The following ADAMTS16 variants were observed in gnomAD, a reference collection of about 807,000 sequenced individuals.
ADAMTS16 encodes ADAM metallopeptidase with thrombospondin type 1 motif 16.
In ADAMTS16, 94 loss-of-function variants were observed where a neutral mutation model predicts 145.8. The ratio of observed to expected loss-of-function variants is 0.64; its 90% confidence interval spans 0.55 to 0.77. The LOEUF (loss-of-function observed/expected upper bound fraction) is 0.77. Ranked by LOEUF, ADAMTS16 falls within the 30% of genes least tolerant of loss-of-function variation. The pLI, the probability that ADAMTS16 is intolerant of heterozygous loss-of-function variation, is 0.00. For missense variants in ADAMTS16, 1,585 were observed against 1,591.5 expected (o/e 1.00, Z 0.07); for synonymous variants, 659 against 604.3 (o/e 1.09, Z -1.33).
rs772050211 is a variant in ADAMTS16 at position 5,140,775 on chromosome 5, G to A, written c.175+9G>A. On this transcript the variant is annotated intron_variant, in intron 2 of 22. Transcript: ENST00000274181. ...CTGGATGGAAAAGGGCGGTAAGTCC[G>A]TGAGGTGGGGGCTTCTAATCCTTGC... is the stretch of plus-strand genomic sequence containing the variant. The A allele has an allele frequency of 9.0e-6, 14 of 1,550,300 alleles. No homozygotes were observed. The African/African-American group carries it at 1.9e-4, about 21-fold the overall frequency.
rs150708974 is a variant in ADAMTS16, at chr5:5,140,802, A to G, written c.175+36A>G. 2.5e-4 allele frequency: 379 copies of G among 1,507,466 alleles called. 3 individuals carry two copies. The African/African-American group carries it at 4.8e-3, about 19-fold the overall frequency. The allele number at this position is 1,507,466 out of a possible 1,614,324, so 93.4% of individuals were successfully genotyped here. A position where few individuals can be genotyped will look rare whatever the true frequency, so the allele number is the denominator to read the frequency against. The stretch of plus-strand genomic sequence containing the variant: ...GAGGTGGGGGCTTCTAATCCTTGCC[A>G]TTTAGCAGCTCGTAATCTCCGTGCC... On this transcript the variant is annotated intron_variant, in intron 2 of 22. Transcript: ENST00000274181.
chr5:5,140,723 T>C lies in ADAMTS16; in HGVS notation c.132T>C (p.Arg44=), dbSNP rs760357771. 6.4e-7 allele frequency: 1 copy of C among 1,571,110 alleles called. No homozygotes were observed. Among genetic ancestry groups the C allele is most frequent in the South Asian group, 1.2e-5 (1 of 85,800 alleles). ...AAAPGSPSVP[R]PPPPAERPGW... ...CGCCTGGGAGCCCGAGCGTCCCGCG[T>C]CCTCCTCCACCCGCGGAGCGGCCGG... Residue 44 remains arginine (R), a synonymous_variant, in exon 2 of 23, where the codon CGT becomes CGC. Coordinates refer to ENST00000274181, the MANE Select transcript of ADAMTS16 (RefSeq NM_139056.4).
chr5:5,258,308 A>T (rs746373511), intron 17 of ADAMTS16, among the ~76,000 whole-genome samples: 3 of 152,168 alleles, frequency 2.0e-5, no homozygotes, highest in Non-Finnish European at 2.9e-5. Flanking sequence ...CACCTGGGTA[A>T]ACTCAAATAG....
intron 18 of ADAMTS16, among the ~76,000 whole-genome samples, chr5:5,285,967 G>A (rs536158178): frequency 2.0e-5 from 3 of 152,178 alleles, no homozygotes; most frequent in South Asian, 2.1e-4. Context: ...TCTCTGTTGC[G>A]ACTTGTGCGT....
At chr5:5,302,981 G>A (rs1027971760) in intron 18 of ADAMTS16, among the ~76,000 whole-genome samples, 3 of 152,008 alleles carry the variant, frequency 2.0e-5, no homozygotes, top group Admixed American at 1.3e-4. Context: ...AAAAAGAAGA[G>A]AACAGACACA....
At chr5:5,251,943 C>T (rs1002166387) in intron 17 of ADAMTS16, among the ~76,000 whole-genome samples, 5 of 152,222 alleles carry the variant, frequency 3.3e-5, no homozygotes, top group Admixed American at 1.3e-4. Flanking sequence ...TGCAACCTCC[C>T]GGGTTCCCGC....
chr5:5,290,877 A>T (rs544393555), intron 18 of ADAMTS16, among the ~76,000 whole-genome samples: 1 of 152,024 alleles, frequency 6.6e-6, no homozygotes. Context: ...ATTTGCTTTC[A>T]TTCTCTCCCC....
chr5:5,319,431 C>T lies in ADAMTS16; in HGVS notation c.*293C>T, dbSNP rs1734194389. 4 of 432,418 alleles carry T rather than the reference C, an allele frequency of 9.3e-6. No homozygotes were observed. The highest frequency in any genetic ancestry group is 1.7e-5 in the Non-Finnish European group (4 of 236,682). 26.8% of individuals were successfully genotyped at this position (432,418 alleles called of 1,614,324 possible). On this transcript the variant is annotated 3_prime_UTR_variant, in exon 23 of 23. Transcript: ENST00000274181. Reference sequence around the variant, plus strand: ...GCACCACAACGGGAGAGGCAGCACTCACCCCTGCCTGTTGCAGCTAAATCA... The same window carrying T: ...GCACCACAACGGGAGAGGCAGCACTTACCCCTGCCTGTTGCAGCTAAATCA...
chr5:5,179,421 C>G (rs1046948336), intron 3 of ADAMTS16, among the ~76,000 whole-genome samples: 8 of 152,072 alleles, frequency 5.3e-5, no homozygotes, highest in African/African-American at 1.9e-4. Flanking sequence ...AATTTTTCTT[C>G]TTTTTTGGTT....
intron 14 of ADAMTS16, among the ~76,000 whole-genome samples, chr5:5,238,273 C>T (rs990510351): frequency 2.6e-5 from 4 of 152,066 alleles, no homozygotes; most frequent in Non-Finnish European, 4.4e-5. Context: ...ATGTGGGGGA[C>T]CTGAATTTGT....
At chr5:5,305,928 T>C (rs1197740053) in intron 20 of ADAMTS16, among the ~76,000 whole-genome samples, 1 of 152,206 alleles carries the variant, frequency 6.6e-6, no homozygotes, top group African/African-American at 2.4e-5. Flanking sequence ...GCCTGCTCGT[T>C]TGCACAGGGC....
At chr5:5,275,654 G>A (rs1025771945) in intron 18 of ADAMTS16, among the ~76,000 whole-genome samples, 1 of 152,028 alleles carries the variant, frequency 6.6e-6, no homozygotes, top group African/African-American at 2.4e-5. Flanking sequence ...ATTAAGTAAT[G>A]ACCATCCTTA....
intron 20 of ADAMTS16, among the ~76,000 whole-genome samples, chr5:5,304,021 G>C (rs1739913992): frequency 6.6e-6 from 1 of 152,166 alleles, no homozygotes; most frequent in African/African-American, 2.4e-5. Flanking sequence ...CAGAGGACGA[G>C]AGGGTTGAGG....
At chr5:5,150,390 G>A (rs1734417839) in intron 3 of ADAMTS16, among the ~76,000 whole-genome samples, 1 of 152,180 alleles carries the variant, frequency 6.6e-6, no homozygotes, top group Non-Finnish European at 1.5e-5. Context: ...TTAGAGATAG[G>A]TAGGGCAGCA....
intron 3 of ADAMTS16, among the ~76,000 whole-genome samples, chr5:5,172,309 T>C (rs1050740734): frequency 2.0e-5 from 3 of 152,042 alleles, no homozygotes; most frequent in Non-Finnish European, 4.4e-5. Flanking sequence ...TGCTCTTGCT[T>C]TTCTAGTTCT....
Position 5,182,324 on chromosome 5 carries a change from TTGTG to T in ADAMTS16, c.763+23_763+26del, listed in dbSNP as rs758774467. 4.9e-5 allele frequency: 79 copies of T among 1,599,902 alleles called. No individual in the cohort carries two copies. The highest frequency in any genetic ancestry group is 6.6e-5 in the Non-Finnish European group (77 of 1,170,054). On this transcript the variant is annotated intron_variant, in intron 4 of 22. Transcript: ENST00000274181. ...AAGAAATGTATGTAAGGGCGAATCT[TTGTG>T]TGTATTTAGTGATGCTGACATTTAT... is the stretch of plus-strand genomic sequence containing the variant.
chr5:5,235,308 C>T (rs569043331), intron 13 of ADAMTS16, 122 bp downstream of exon 13: 26 of 1,051,382 alleles, frequency 2.5e-5, no homozygotes, highest in South Asian at 3.1e-5. Flanking sequence ...AGGTGAGGGT[C>T]GCATATTCTC....
intron 18 of ADAMTS16, among the ~76,000 whole-genome samples, chr5:5,285,383 C>T (rs996095769): frequency 1.6e-4 from 25 of 152,324 alleles, no homozygotes; most frequent in African/African-American, 4.1e-4. Context: ...ATCTGGGATG[C>T]GCCTTTAGTC....
chr5:5,261,356 T>A (rs1332606932), intron 17 of ADAMTS16, among the ~76,000 whole-genome samples: 1 of 152,164 alleles, frequency 6.6e-6, no homozygotes, highest in Non-Finnish European at 1.5e-5. Context: ...CAGGCTGGTC[T>A]CAAACTCCTG....
Sources: allele counts gnomAD v4.1 joint callset (sites outside exome capture counted in the v4.1 genomes callset), GRCh38; gene constraint gnomAD v4.1.1; transcripts MANE v1.5; gene names NCBI Gene and HGNC (gene_info 2026-07-23, HGNC 2026-07-21).